The following MRPL3 variants were observed in gnomAD, a reference collection of about 807,000 sequenced individuals.
The protein encoded by MRPL3 is large ribosomal subunit protein uL3m.
A neutral mutation model predicts 44.3 loss-of-function variants in MRPL3; 43 were observed. The ratio of observed to expected loss-of-function variants is 0.97; its 90% confidence interval spans 0.76 to 1.25. The LOEUF is 1.25. Ranked by LOEUF, MRPL3 falls within the 50% of genes most tolerant of loss-of-function variation. MRPL3 has a pLI of 0.00. For synonymous variants in MRPL3, 171 were observed against 152.3 expected, an observed-to-expected ratio of 1.12 and a Z score of -0.91; for missense variants, 406 against 427.6, an observed-to-expected ratio of 0.95 and a Z score of 0.45.
In MRPL3 at chr3:131,483,049, G is replaced by A. The variant is rs115754772; in HGVS notation, c.629+4631C>T. Among the ~76,000 whole-genome samples, 885 of 150,140 alleles carry A rather than the reference G, an allele frequency of 5.9e-3. 12 individuals carry two copies. Among genetic ancestry groups the A allele is most frequent in the African/African-American group, 0.02 (826 of 40,824 alleles). On this transcript the variant is annotated intron_variant, in intron 6 of 9. Transcript: ENST00000264995. ...CCAGAATTCAACAGAAAAAAAATGGGCTAAACATCCTATGCTGAGGATAGA... is the reference window on the plus strand; with the variant it reads ...CCAGAATTCAACAGAAAAAAAATGGACTAAACATCCTATGCTGAGGATAGA...
At chr3:131,490,396 T>A (rs61029641) in intron 4 of MRPL3, among the ~76,000 whole-genome samples, 1,758 of 150,626 alleles carry the variant, frequency 0.012, 50 homozygotes, top group African/African-American at 0.041. Context: ...GACTGGAGAC[T>A]GTCTGAATTA....
chr3:131,492,728 AC>A (rs1582717471), intron 4 of MRPL3, among the ~76,000 whole-genome samples: 1 of 151,688 alleles, frequency 6.6e-6, no homozygotes, highest in East Asian at 1.9e-4. Context: ...TCCCCATTTC[AC>A]CCCCAAACCT....
chr3:131,489,965 C>A lies in MRPL3; in HGVS notation c.568+16G>T. 6.5e-7 allele frequency: 1 copy of A among 1,546,062 alleles called. No homozygotes were observed. ...TGGGTATTTTTACCTCCCTCCTCTC[C>A]CCAACCTCAAATTACCTGGTTTAAT... On this transcript the variant is annotated intron_variant, in intron 5 of 9. Coordinates refer to ENST00000264995, the MANE Select transcript of MRPL3 (RefSeq NM_007208.4).
chr3:131,474,701 A>T (rs142334083), intron 6 of MRPL3, among the ~76,000 whole-genome samples: 1 of 151,970 alleles, frequency 6.6e-6, no homozygotes, highest in African/African-American at 2.4e-5. Context: ...GTCTTTGATT[A>T]TATCAGTATA....
At chr3:131,474,469 C>A (rs1933809355) in intron 6 of MRPL3, among the ~76,000 whole-genome samples, 1 of 151,962 alleles carries the variant, frequency 6.6e-6, no homozygotes, top group South Asian at 2.1e-4. Flanking sequence ...TTCTGGTGTT[C>A]TATGGTACAC....
rs1934525855 is a variant in MRPL3, at chr3:131,502,731, T to C, written c.91A>G (p.Arg31Gly). 1 of 1,608,254 alleles carries C rather than the reference T, an allele frequency of 6.2e-7. No individual in the cohort carries two copies. Residue 31 changes from arginine to glycine, a missense_variant and splice_region_variant, in exon 1 of 10, where the codon AGA becomes GGA. Transcript: ENST00000264995. ...TAGGACACCCTCACACCTTCCTACC[T>C]GTTCCCCGGGCCCAGGGCAGCACCC... The part of the protein sequence containing the change: ...GLGAALGPGN[R>G]THIWLFVRGL...
At chr3:131,480,297 G>C (rs912939422) in intron 6 of MRPL3, among the ~76,000 whole-genome samples, 3 of 152,180 alleles carry the variant, frequency 2.0e-5, no homozygotes, top group Admixed American at 6.5e-5. Context: ...AAACCTACTT[G>C]ATCAGTGATG....
intron 6 of MRPL3, among the ~76,000 whole-genome samples, chr3:131,477,151 G>A (rs1933870520): frequency 6.6e-6 from 1 of 152,108 alleles, no homozygotes; most frequent in Non-Finnish European, 1.5e-5. Context: ...TTTACTTTGT[G>A]AGAAACTGCC....
At chr3:131,480,165 C>T (rs1372901901) in intron 6 of MRPL3, among the ~76,000 whole-genome samples, 1 of 152,232 alleles carries the variant, frequency 6.6e-6, no homozygotes, top group African/African-American at 2.4e-5. Flanking sequence ...ACTATAGCTT[C>T]TCCTCATTTC....
intron 6 of MRPL3, among the ~76,000 whole-genome samples, chr3:131,484,450 C>T (rs546311754): frequency 3.9e-5 from 6 of 152,314 alleles, no homozygotes; most frequent in Admixed American, 1.3e-4. Context: ...GTCCTTTCAT[C>T]ACTCCCTTAA....
chr3:131,481,209 A>G (rs771307027), intron 6 of MRPL3, among the ~76,000 whole-genome samples: 38 of 152,252 alleles, frequency 2.5e-4, no homozygotes, highest in Non-Finnish European at 3.8e-4. Flanking sequence ...TTTGTTACAT[A>G]AAATATAAAG....
chr3:131,473,146 A>C (rs573349369), intron 6 of MRPL3, among the ~76,000 whole-genome samples: 1 of 152,306 alleles, frequency 6.6e-6, no homozygotes, highest in African/African-American at 2.4e-5. Context: ...ACATCATACT[A>C]CTTGACTTCA....
rs562850965 is a variant in MRPL3 at position 131,495,623 on chromosome 3, G to GA, written c.468+2555dup. 2.2e-3 allele frequency among the ~76,000 whole-genome samples: 342 copies of GA among 152,034 alleles called. 2 individuals are homozygous for GA. The highest frequency in any genetic ancestry group is 3.0e-3 in the Non-Finnish European group (207 of 67,934). On this transcript the variant is annotated intron_variant, in intron 4 of 9. Coordinates refer to ENST00000264995, the MANE Select transcript of MRPL3 (RefSeq NM_007208.4). ...TAAAGCTATCAGAATAAGCTAAAGA[G>GA]AAAAAAATGTGTGAACAGCCTCGAC...
chr3:131,472,484 C>T (rs1448649818), intron 6 of MRPL3, among the ~76,000 whole-genome samples: 2 of 152,122 alleles, frequency 1.3e-5, no homozygotes, highest in African/African-American at 4.8e-5. Flanking sequence ...CCATATATGA[C>T]AAACATACTG....
intron 6 of MRPL3, among the ~76,000 whole-genome samples, chr3:131,485,157 A>G (rs1407353248): frequency 1.3e-5 from 2 of 152,210 alleles, no homozygotes; most frequent in Admixed American, 6.5e-5. Flanking sequence ...CCAAAAAACA[A>G]AAGTTTTCCT....
chr3:131,477,837 C>T (rs541333326), intron 6 of MRPL3, among the ~76,000 whole-genome samples: 2 of 152,306 alleles, frequency 1.3e-5, no homozygotes, highest in East Asian at 3.9e-4. Context: ...AATAGAATCT[C>T]TCCACAGGGT....
At chr3:131,500,771 A>C (rs1031617211) in intron 2 of MRPL3, among the ~76,000 whole-genome samples, 1 of 152,218 alleles carries the variant, frequency 6.6e-6, no homozygotes, top group Admixed American at 6.5e-5. Flanking sequence ...AATAAAGAAA[A>C]CAGATAAGTT....
chr3:131,467,938 C>A (rs945242057), intron 9 of MRPL3, among the ~76,000 whole-genome samples, 153 bp downstream of exon 9: 1 of 151,456 alleles, frequency 6.6e-6, no homozygotes, highest in African/African-American at 2.4e-5. Context: ...GGAAAAACAG[C>A]CATTTATTTA....
chr3:131,502,578 GTGC>G, intron 1 of MRPL3, 149 bp downstream of exon 1: 1 of 616,990 alleles, frequency 1.6e-6, no homozygotes, highest in South Asian at 2.3e-5. Flanking sequence ...CCCTTAGAAC[GTGC>G]TTCCTTAGGT....
Sources: gnomAD v4.1 joint callset for allele counts (sites outside exome capture counted in the v4.1 genomes callset) on GRCh38, gnomAD v4.1.1 for gene constraint, MANE v1.5 for transcripts, NCBI Gene and HGNC (gene_info 2026-07-23, HGNC 2026-07-21) for gene names.